The following KLHL32 variants were observed in gnomAD, a reference collection of about 807,000 sequenced individuals.
KLHL32 encodes the protein kelch like family member 32, also known as kelch-like protein 32.
KLHL32 carries 35 observed loss-of-function variants against 64.8 expected under a neutral mutation model. The ratio of observed to expected loss-of-function variants is 0.54; its 90% CI spans 0.41 to 0.72. The LOEUF (loss-of-function observed/expected upper bound fraction) is 0.72. Among genes scored for constraint, KLHL32 ranks in the 30% least tolerant of loss-of-function variants. The pLI is 0.00. For synonymous variants in KLHL32, 259 were observed against 281.0 expected (o/e 0.92, Z 0.78); for missense variants, 589 against 768.5 (o/e 0.77, Z 2.76).
intron 3 of KLHL32, among the ~76,000 whole-genome samples, chr6:97,008,857 G>A (rs1361585698): frequency 1.3e-5 from 2 of 151,708 alleles, no homozygotes; most frequent in Non-Finnish European, 2.9e-5. Flanking sequence ...TCTTCCCTAT[G>A]TCCCTGTCTC....
chr6:96,920,245 T>C (rs1404951056), upstream of KLHL32, among the ~76,000 whole-genome samples: 1 of 152,210 alleles, frequency 6.6e-6, no homozygotes, highest in African/African-American at 2.4e-5. Context: ...CCTCTAACAC[T>C]ATGAGCACTG....
At chr6:97,084,197 AC>A (rs1200104228) in intron 5 of KLHL32, among the ~76,000 whole-genome samples, 1 of 152,236 alleles carries the variant, frequency 6.6e-6, no homozygotes, top group Non-Finnish European at 1.5e-5. Flanking sequence ...TTATTGGAAA[AC>A]TATTGCTCAT....
chr6:96,933,849 T>C (rs752634549), intron 1 of KLHL32, among the ~76,000 whole-genome samples: 1 of 152,202 alleles, frequency 6.6e-6, no homozygotes, highest in African/African-American at 2.4e-5. Context: ...CTCACTGTTA[T>C]TGCTTCTGTG....
chr6:96,980,380 A>T (rs1223380549), intron 3 of KLHL32, among the ~76,000 whole-genome samples: 1 of 152,122 alleles, frequency 6.6e-6, no homozygotes, highest in Non-Finnish European at 1.5e-5. Flanking sequence ...AGGGAAGTTG[A>T]TTTTTATCAA....
At chr6:97,017,691 A>C (rs956763627) in intron 3 of KLHL32, among the ~76,000 whole-genome samples, 3 of 152,148 alleles carry the variant, frequency 2.0e-5, no homozygotes, top group African/African-American at 7.2e-5. Flanking sequence ...ATGGCTTGGA[A>C]ATTCTTCTCA....
chr6:97,062,909 A>G (rs533577333), intron 4 of KLHL32, among the ~76,000 whole-genome samples: 74 of 152,344 alleles, frequency 4.9e-4, no homozygotes, highest in South Asian at 1.2e-3. Context: ...CAGGGAAGGT[A>G]TCTCAGGTAA....
chr6:96,999,522 T>C, intron 3 of KLHL32: 8 of 976,550 alleles, frequency 8.2e-6, no homozygotes, highest in Non-Finnish European at 8.5e-6. Context: ...AATTTTGAAG[T>C]GAACAATTCC....
intron 3 of KLHL32, among the ~76,000 whole-genome samples, chr6:97,038,960 C>T (rs921342295): frequency 1.7e-4 from 26 of 151,354 alleles, no homozygotes; most frequent in African/African-American, 4.9e-4. Context: ...TATGGTGGCA[C>T]GTGCCTGTAG....
chr6:96,973,495 A>G (rs2206569), intron 2 of KLHL32, among the ~76,000 whole-genome samples: 43,457 of 151,996 alleles, frequency 0.29, 6,893 homozygotes, highest in South Asian at 0.49. Context: ...TATATTTTCT[A>G]AGGTTATAAT....
chr6:96,908,050 G>A, the KLHL32 span, among the ~76,000 whole-genome samples: 442 of 152,290 alleles, frequency 2.9e-3, 2 homozygotes, highest in Middle Eastern at 0.02. Context: ...AGGCAGAAGC[G>A]TGCTTGACAT....
At chr6:96,968,489 G>A (rs963443002) in intron 2 of KLHL32, among the ~76,000 whole-genome samples, 1 of 152,122 alleles carries the variant, frequency 6.6e-6, no homozygotes, top group Non-Finnish European at 1.5e-5. Flanking sequence ...TGGAGACCAT[G>A]GTGTCTGTCT....
At chr6:97,122,693 C>A (rs1176415262) in intron 7 of KLHL32, among the ~76,000 whole-genome samples, 1 of 152,196 alleles carries the variant, frequency 6.6e-6, no homozygotes, top group Non-Finnish European at 1.5e-5. Flanking sequence ...AGGATTGTAG[C>A]AAACTTCCCT....
intron 3 of KLHL32, among the ~76,000 whole-genome samples, chr6:97,011,253 T>C (rs548077801): frequency 3.0e-4 from 45 of 152,358 alleles, no homozygotes; most frequent in Admixed American, 5.2e-4. Context: ...CATGTTCTTC[T>C]TTGAATCCTG....
intron 7 of KLHL32, among the ~76,000 whole-genome samples, chr6:97,123,560 C>T (rs1172796933): frequency 1.3e-5 from 2 of 152,046 alleles, no homozygotes; most frequent in African/African-American, 2.4e-5. Context: ...TCAATTTTGG[C>T]TGAAAAGTCT....
chr6:97,134,027 G>A (rs1799722840), intron 10 of KLHL32, among the ~76,000 whole-genome samples: 1 of 151,798 alleles, frequency 6.6e-6, no homozygotes. Context: ...CTACATAACT[G>A]GAAATAATAA....
chr6:97,130,125 G>C (rs1799278679), intron 8 of KLHL32, among the ~76,000 whole-genome samples: 1 of 152,014 alleles, frequency 6.6e-6, no homozygotes, highest in African/African-American at 2.4e-5. Context: ...AGCGGCCTGA[G>C]GTACCCAATG....
chr6:96,996,213 A>G (rs1277162406), intron 3 of KLHL32, among the ~76,000 whole-genome samples: 1 of 152,264 alleles, frequency 6.6e-6, no homozygotes, highest in Non-Finnish European at 1.5e-5. Flanking sequence ...CCAGGGAAAC[A>G]GATGTCTTGA....
At chr6:97,126,614 G>A (rs1189616893) in intron 7 of KLHL32, among the ~76,000 whole-genome samples, 5 of 152,108 alleles carry the variant, frequency 3.3e-5, no homozygotes, top group African/African-American at 7.2e-5. Flanking sequence ...GTGCTGCTCA[G>A]TATGGTAGCC....
the KLHL32 span, among the ~76,000 whole-genome samples, chr6:96,918,463 C>G: frequency 6.6e-6 from 1 of 151,908 alleles, no homozygotes; most frequent in Non-Finnish European, 1.5e-5. Context: ...AATTTTTTTT[C>G]TTAATGGCAT....
Sources: allele counts gnomAD v4.1 joint callset (sites outside exome capture counted in the v4.1 genomes callset), GRCh38; gene constraint gnomAD v4.1.1; transcripts MANE v1.5; gene names NCBI Gene and HGNC (gene_info 2026-07-23, HGNC 2026-07-21).